ERBB4: variants seen among roughly 807,000 people sequenced by gnomAD.
The protein encoded by ERBB4 is receptor tyrosine-protein kinase erbB-4.
In ERBB4, 42 loss-of-function variants were observed where a neutral mutation model predicts 158.0. The ratio of observed to expected loss-of-function variants is 0.27; its 90% confidence interval spans 0.21 to 0.34. ERBB4 has a LOEUF of 0.34. Among genes scored for constraint, ERBB4 ranks in the 10% least tolerant of loss-of-function variants. ERBB4 has a pLI of 1.00. For missense variants in ERBB4, 1,333 were observed against 1,624.1 expected (o/e 0.82, Z 3.08); for synonymous variants, 583 against 558.7 (o/e 1.04, Z -0.61).
intron 3 of ERBB4, among the ~76,000 whole-genome samples, chr2:211,887,958 C>A (rs1254568128): frequency 6.6e-6 from 1 of 152,180 alleles, no homozygotes; most frequent in African/African-American, 2.4e-5. Flanking sequence ...CCCAGTGTGT[C>A]TGCCTTAAAT....
chr2:211,635,037 A>C (rs2070306627), intron 16 of ERBB4, among the ~76,000 whole-genome samples: 1 of 152,172 alleles, frequency 6.6e-6, no homozygotes, highest in Non-Finnish European at 1.5e-5. Flanking sequence ...CTATGAGATC[A>C]CAAGGTTCAA....
At chr2:211,466,970 A>G (rs2064709738) in intron 20 of ERBB4, among the ~76,000 whole-genome samples, 1 of 152,124 alleles carries the variant, frequency 6.6e-6, no homozygotes, top group South Asian at 2.1e-4. Flanking sequence ...TTTTTGCTGA[A>G]TTAAAAATAT....
intron 17 of ERBB4, among the ~76,000 whole-genome samples, chr2:211,629,425 T>C (rs2070009907): frequency 6.6e-6 from 1 of 152,202 alleles, no homozygotes; most frequent in South Asian, 2.1e-4. Flanking sequence ...GAACATTCCA[T>C]GCTCATGGGT....
chr2:212,087,681 G>A (rs575856547), intron 2 of ERBB4, among the ~76,000 whole-genome samples: 28 of 152,088 alleles, frequency 1.8e-4, no homozygotes, highest in Non-Finnish European at 3.7e-4. Flanking sequence ...TCTTAGATCC[G>A]TCTAGACATT....
chr2:211,869,114 C>G (rs2078279658), intron 3 of ERBB4, among the ~76,000 whole-genome samples: 1 of 152,130 alleles, frequency 6.6e-6, no homozygotes, highest in South Asian at 2.1e-4. Context: ...TCACTTGATT[C>G]CATGAACTCT....
intron 1 of ERBB4, among the ~76,000 whole-genome samples, chr2:212,222,285 C>T (rs550766000): frequency 6.6e-6 from 1 of 151,488 alleles, no homozygotes; most frequent in Non-Finnish European, 1.5e-5. Flanking sequence ...CAGCAGCAAA[C>T]ATTTTTACCA....
Position 211,679,045 on chromosome 2 carries a change from G to C in ERBB4, c.1622+7C>G, listed in dbSNP as rs753712493. 8.8e-6 allele frequency: 14 copies of C among 1,594,812 alleles called. No individual in the cohort carries two copies. The South Asian group carries it at 1.5e-4, about 18-fold the overall frequency. On this transcript the variant is annotated splice_region_variant and intron_variant, in intron 13 of 27. Coordinates refer to ENST00000342788, the MANE Select transcript of ERBB4 (RefSeq NM_005235.3). ...TGAGGTGAAGGCAACCCTAGAAGAA[G>C]CCTTACCCATCATAGAGGTTACAAG... is the stretch of plus-strand genomic sequence containing the variant.
intron 1 of ERBB4, among the ~76,000 whole-genome samples, chr2:212,528,142 A>C (rs921953688): frequency 2.0e-5 from 3 of 152,100 alleles, no homozygotes; most frequent in Non-Finnish European, 4.4e-5. Context: ...TTATTAGACA[A>C]GTTTCTTCAT....
intron 3 of ERBB4, among the ~76,000 whole-genome samples, chr2:211,916,424 T>A (rs1267138120): frequency 6.6e-6 from 1 of 152,024 alleles, no homozygotes; most frequent in Non-Finnish European, 1.5e-5. Context: ...AGGTGATCTG[T>A]CCGCCTCGGC....
chr2:212,124,843 G>C lies in ERBB4; in HGVS notation c.143C>G (p.Ala48Gly), dbSNP rs2125571236. The change falls in exon 2 of 28, where the codon GCC becomes GGC. Residue 48 changes from alanine (A) to glycine (G), a missense_variant. Physicochemically the swap from Ala to Gly is moderately conservative, Grantham distance 60. Coordinates refer to ENST00000342788, the MANE Select transcript of ERBB4 (RefSeq NM_005235.3). ...SLSDLEQQYRALRKYYENCEV... is the reference protein window; with the variant it reads ...SLSDLEQQYRGLRKYYENCEV... ...ACAGTTTTCATAGTACTTGCGCAAGGCTCGGTACTGCTGTTCCAGGTCAGA... is the reference window on the plus strand; with the variant it reads ...ACAGTTTTCATAGTACTTGCGCAAGCCTCGGTACTGCTGTTCCAGGTCAGA... 2.5e-6 allele frequency: 4 copies of C among 1,614,070 alleles called. No homozygotes were observed. Among genetic ancestry groups the C allele is most frequent in the Non-Finnish European group, 3.4e-6 (4 of 1,179,930 alleles).
rs73083327 is a variant in ERBB4 at position 212,017,671 on chromosome 2, T to C, written c.235-70055A>G. The stretch of plus-strand genomic sequence containing the variant: ...TGAAGTTTTGCACATCAGCCAAGAC[T>C]CTTAATACCTGGAAGTGACTATTGT... On this transcript the variant is annotated intron_variant, in intron 2 of 27. Coordinates refer to ENST00000342788, the MANE Select transcript of ERBB4 (RefSeq NM_005235.3). Among the ~76,000 whole-genome samples the C allele has an allele frequency of 6.2e-3, 950 of 152,246 alleles. 9 individuals are homozygous for C. The highest frequency in any genetic ancestry group is 0.022 in the African/African-American group (907 of 41,554).
intron 1 of ERBB4, among the ~76,000 whole-genome samples, chr2:212,312,191 C>G (rs2087075816): frequency 6.6e-6 from 1 of 150,986 alleles, no homozygotes; most frequent in Non-Finnish European, 1.5e-5. Flanking sequence ...CAAGGAACTA[C>G]TCTAGGATGG....
chr2:212,022,577 T>C (rs950633959), intron 2 of ERBB4, among the ~76,000 whole-genome samples: 3 of 151,976 alleles, frequency 2.0e-5, no homozygotes, highest in Admixed American at 6.6e-5. Context: ...AGCTAATGTA[T>C]GCTGGGCTTC....
intron 2 of ERBB4, among the ~76,000 whole-genome samples, chr2:212,091,921 C>T (rs2078791120): frequency 6.6e-6 from 1 of 152,084 alleles, no homozygotes; most frequent in African/African-American, 2.4e-5. Context: ...TGTTCCCACT[C>T]TTTATATTAG....
At chr2:212,463,118 G>A (rs1276237321) in intron 1 of ERBB4, among the ~76,000 whole-genome samples, 1 of 152,058 alleles carries the variant, frequency 6.6e-6, no homozygotes, top group East Asian at 1.9e-4. Flanking sequence ...ATGGAAGGAG[G>A]TATGGGTAGA....
intron 3 of ERBB4, among the ~76,000 whole-genome samples, chr2:211,881,682 C>T (rs554276197): frequency 6.6e-6 from 1 of 152,028 alleles, no homozygotes; most frequent in Non-Finnish European, 1.5e-5. Context: ...GATCAGATAC[C>T]GCCCCTCCAC....
At chr2:211,465,987 T>C (rs1312785578) in intron 20 of ERBB4, among the ~76,000 whole-genome samples, 1 of 152,174 alleles carries the variant, frequency 6.6e-6, no homozygotes, top group African/African-American at 2.4e-5. Context: ...CCCTTTTTGC[T>C]GTCATTCCTC....
intron 1 of ERBB4, among the ~76,000 whole-genome samples, chr2:212,312,793 C>T (rs757335138): frequency 6.6e-6 from 1 of 150,564 alleles, no homozygotes; most frequent in Non-Finnish European, 1.5e-5. Context: ...TTTGCTTCTC[C>T]TCCTCCTCTT....
intron 3 of ERBB4, among the ~76,000 whole-genome samples, chr2:211,827,476 TA>T (rs1317493213): frequency 2.0e-5 from 3 of 152,082 alleles, no homozygotes; most frequent in Non-Finnish European, 2.9e-5. Flanking sequence ...TGGGTGGAAA[TA>T]AAAGCCTTCT....
Sources: gnomAD v4.1 joint callset for allele counts (sites outside exome capture counted in the v4.1 genomes callset) on GRCh38, gnomAD v4.1.1 for gene constraint, MANE v1.5 for transcripts, NCBI Gene and HGNC (gene_info 2026-07-23, HGNC 2026-07-21) for gene names.